The following SHISA9 variants were observed in gnomAD, a reference collection of about 807,000 sequenced individuals.
The protein encoded by SHISA9 is shisa family member 9.
SHISA9 carries 13 observed loss-of-function variants against 38.0 expected under a neutral mutation model. The observed-to-expected ratio is 0.34, with a 90% CI of 0.22 to 0.54. SHISA9 has a LOEUF of 0.54. Ranked by LOEUF, SHISA9 falls within the 20% of genes least tolerant of loss-of-function variation. SHISA9 has a pLI of 0.91. For missense variants in SHISA9, 538 were observed against 575.8 expected, an observed-to-expected ratio of 0.93 and a Z score of 0.67; for synonymous variants, 275 against 242.0, an observed-to-expected ratio of 1.14 and a Z score of -1.27.
At chr16:13,478,589 A>G in the SHISA9 span, among the ~76,000 whole-genome samples, 4 of 152,142 alleles carry the variant, frequency 2.6e-5, no homozygotes, top group African/African-American at 9.7e-5. Flanking sequence ...GGTCTGTTCC[A>G]CTCTAATAGT....
chr16:13,451,759 T>C, the SHISA9 span, among the ~76,000 whole-genome samples: 1 of 152,222 alleles, frequency 6.6e-6, no homozygotes, highest in African/African-American at 2.4e-5. Context: ...GACATAGGCA[T>C]GTGACAGATC....
the SHISA9 span, among the ~76,000 whole-genome samples, chr16:13,369,099 A>C: frequency 3.3e-5 from 5 of 152,206 alleles, no homozygotes; most frequent in African/African-American, 1.2e-4. Flanking sequence ...ATAAATCTTA[A>C]AATGTCAAAT....
chr16:13,213,525 C>A (rs1428725049), intron 4 of SHISA9, among the ~76,000 whole-genome samples: 1 of 151,870 alleles, frequency 6.6e-6, no homozygotes, highest in Non-Finnish European at 1.5e-5. Context: ...CCTCACTTCC[C>A]AATATTTGCT....
At chr16:13,363,531 G>GT in the SHISA9 span, among the ~76,000 whole-genome samples, 1 of 152,212 alleles carries the variant, frequency 6.6e-6, no homozygotes, top group South Asian at 2.1e-4. Flanking sequence ...AAACAGAAGA[G>GT]TAGGGAAGTG....
chr16:13,186,809 A>G (rs2050828978), intron 2 of SHISA9, among the ~76,000 whole-genome samples: 1 of 152,186 alleles, frequency 6.6e-6, no homozygotes, highest in Non-Finnish European at 1.5e-5. Flanking sequence ...CAGAAATTAA[A>G]TCATACAGTA....
rs1162796024 is a variant in SHISA9 at position 12,907,194 on chromosome 16, GTCCC to G, written c.563+4581_563+4584del. Among the ~76,000 whole-genome samples the G allele has an allele frequency of 1.4e-4, 11 of 81,224 alleles. No homozygotes were observed. In the South Asian group the frequency reaches 1.6e-3, roughly 12 times the overall value. The allele number at this position is 81,224 out of a possible 152,430, so 53.3% of individuals were successfully genotyped here. ...CCCCCTTCCACCCTTCCCTCCCTCC[GTCCC>G]TCCCTCCCTCCCTTCCTTGCTTCCT... On this transcript the variant is annotated intron_variant, in intron 1 of 4. Coordinates refer to ENST00000558583, the MANE Select transcript of SHISA9 (RefSeq NM_001145204.3).
At chr16:12,987,698 A>G (rs1190504131) in intron 2 of SHISA9, among the ~76,000 whole-genome samples, 1 of 152,192 alleles carries the variant, frequency 6.6e-6, no homozygotes, top group Non-Finnish European at 1.5e-5. Context: ...ACGTTTACCT[A>G]TAAAACAAAC....
At chr16:13,198,129 G>A (rs750656445) in intron 2 of SHISA9, among the ~76,000 whole-genome samples, 2 of 151,992 alleles carry the variant, frequency 1.3e-5, no homozygotes, top group Non-Finnish European at 2.9e-5. Flanking sequence ...AGGTCACAGT[G>A]AGCTGACACC....
At chr16:13,070,157 C>CTGTGTGT (rs1555459120) in intron 2 of SHISA9, among the ~76,000 whole-genome samples, 41 of 134,778 alleles carry the variant, frequency 3.0e-4, no homozygotes, top group African/African-American at 1.0e-3. Flanking sequence ...TGTGTGTGCA[C>CTGTGTGT]GCATGTGTCT....
chr16:13,181,332 C>T (rs759110153), intron 2 of SHISA9, among the ~76,000 whole-genome samples: 1 of 132,874 alleles, frequency 7.5e-6, no homozygotes. Flanking sequence ...CACACACACA[C>T]ACATATACGA....
At chr16:12,963,970 A>ATGAC (rs1465336183) in intron 2 of SHISA9, among the ~76,000 whole-genome samples, 4 of 152,232 alleles carry the variant, frequency 2.6e-5, no homozygotes, top group Non-Finnish European at 5.9e-5. Context: ...TTCAAGTCAT[A>ATGAC]GCCTCATAAT....
At chr16:13,325,660 G>T in the SHISA9 span, among the ~76,000 whole-genome samples, 1 of 152,164 alleles carries the variant, frequency 6.6e-6, no homozygotes, top group African/African-American at 2.4e-5. Context: ...CCAAAGCCCT[G>T]ACGACTAGGA....
At chr16:13,335,809 C>T in the SHISA9 span, among the ~76,000 whole-genome samples, 12,240 of 152,192 alleles carry the variant, frequency 0.08, 571 homozygotes, top group African/African-American at 0.11. Context: ...CATCCTGGTT[C>T]CTTAGGACCT....
the SHISA9 span, among the ~76,000 whole-genome samples, chr16:13,318,063 T>C: frequency 6.6e-6 from 1 of 151,678 alleles, no homozygotes; most frequent in Non-Finnish European, 1.5e-5. Flanking sequence ...GTCTATAATC[T>C]ATATGCAAGG....
the SHISA9 span, among the ~76,000 whole-genome samples, chr16:13,542,661 C>T: frequency 6.6e-6 from 1 of 152,278 alleles, no homozygotes; most frequent in South Asian, 2.1e-4. Flanking sequence ...TTCCCAGGGA[C>T]AACAAAATGC....
chr16:13,260,727 T>TCTGC, the SHISA9 span, among the ~76,000 whole-genome samples: 70 of 152,344 alleles, frequency 4.6e-4, 2 homozygotes, highest in East Asian at 0.013. Context: ...TGTTCCAACT[T>TCTGC]CTGCCTGTTA....
At chr16:13,305,053 G>A in the SHISA9 span, among the ~76,000 whole-genome samples, 1 of 152,140 alleles carries the variant, frequency 6.6e-6, no homozygotes, top group African/African-American at 2.4e-5. Flanking sequence ...ATTTTGAATC[G>A]TTTTTTCTTT....
chr16:12,929,853 G>C (rs910448320), intron 2 of SHISA9, among the ~76,000 whole-genome samples: 1 of 151,956 alleles, frequency 6.6e-6, no homozygotes, highest in African/African-American at 2.4e-5. Context: ...TCCACTTCAG[G>C]GGTTTTACAT....
At chr16:13,355,417 T>C in the SHISA9 span, among the ~76,000 whole-genome samples, 7 of 150,654 alleles carry the variant, frequency 4.6e-5, no homozygotes, top group African/African-American at 1.7e-4. Flanking sequence ...TGGGTTAAGG[T>C]GGGGGGATAC....
Sources: gnomAD v4.1 joint callset for allele counts (sites outside exome capture counted in the v4.1 genomes callset) on GRCh38, gnomAD v4.1.1 for gene constraint, MANE v1.5 for transcripts, NCBI Gene and HGNC (gene_info 2026-07-23, HGNC 2026-07-21) for gene names.